GABBR2: variants seen among roughly 807,000 people sequenced by gnomAD.
The protein encoded by GABBR2 is G-protein coupled receptor 51.
Under a neutral mutation model 105.6 loss-of-function variants are expected in GABBR2, and 23 were observed. The ratio of observed to expected loss-of-function variants is 0.22; its 90% CI spans 0.16 to 0.31. GABBR2 has a LOEUF of 0.31. GABBR2 is among the 10% of genes least tolerant of loss of function. The pLI, the probability that GABBR2 is intolerant of heterozygous loss-of-function variation, is 1.00. For missense variants in GABBR2, 734 were observed against 1,245.5 expected, an observed-to-expected ratio of 0.59 and a Z score of 6.18; for synonymous variants, 478 against 499.7, an observed-to-expected ratio of 0.96 and a Z score of 0.58.
chr9:98,610,483 C>T (rs1829490377), intron 1 of GABBR2, among the ~76,000 whole-genome samples: 2 of 152,174 alleles, frequency 1.3e-5, no homozygotes, highest in Non-Finnish European at 2.9e-5. Flanking sequence ...GGGAATATTA[C>T]CTTACATGGC....
At chr9:98,528,941 C>T (rs1428086616) in intron 3 of GABBR2, among the ~76,000 whole-genome samples, 1 of 151,256 alleles carries the variant, frequency 6.6e-6, no homozygotes, top group Non-Finnish European at 1.5e-5. Context: ...GAGATGTTCC[C>T]ACAAAAGTAC....
At chr9:98,677,489 T>G (rs1487570883) in intron 1 of GABBR2, among the ~76,000 whole-genome samples, 1 of 152,236 alleles carries the variant, frequency 6.6e-6, no homozygotes, top group Non-Finnish European at 1.5e-5. Flanking sequence ...ATGTATTCTC[T>G]CTTTAGATCT....
chr9:98,316,776 G>A (rs546639358), intron 13 of GABBR2, among the ~76,000 whole-genome samples: 28 of 152,266 alleles, frequency 1.8e-4, no homozygotes, highest in Non-Finnish European at 3.4e-4. Context: ...CTCTACACCC[G>A]TCATCTTGTT....
chr9:98,497,920 A>G (rs895182322), intron 3 of GABBR2, among the ~76,000 whole-genome samples: 7 of 152,200 alleles, frequency 4.6e-5, no homozygotes, highest in Non-Finnish European at 8.8e-5. Flanking sequence ...CTTGACAGAC[A>G]TTTTACACCC....
intron 3 of GABBR2, among the ~76,000 whole-genome samples, chr9:98,533,591 A>G (rs576015033): frequency 1.4e-4 from 21 of 152,328 alleles, no homozygotes; most frequent in Middle Eastern, 3.4e-3. Context: ...GTGAGGGGAC[A>G]CAGGGATCTG....
At chr9:98,417,568 T>C (rs1832710745) in intron 7 of GABBR2, among the ~76,000 whole-genome samples, 1 of 152,198 alleles carries the variant, frequency 6.6e-6, no homozygotes, top group African/African-American at 2.4e-5. Flanking sequence ...TTCCCTTCTC[T>C]GGGCCCCAGT....
intron 1 of GABBR2, among the ~76,000 whole-genome samples, chr9:98,605,463 T>C (rs980091416): frequency 6.6e-6 from 1 of 152,236 alleles, no homozygotes; most frequent in South Asian, 2.1e-4. Flanking sequence ...ACAGAGCTAC[T>C]GTATGCCCAC....
rs994624541 is a variant in GABBR2, at chr9:98,289,652, A to G, written c.*932T>C. The G allele has an allele frequency of 2.5e-4, 37 of 148,548 alleles. No individual in the cohort carries two copies. The highest frequency in any genetic ancestry group is 7.9e-4 in the African/African-American group (31 of 39,414). 9.2% of individuals were successfully genotyped at this position (148,548 alleles called of 1,614,324 possible). ...AGTTAGTGGGAAAAAAAAAAAAAAA[A>G]TCCCAGCCAGCCCTTGGGCCCTGAT... On this transcript the variant is annotated 3_prime_UTR_variant, in exon 19 of 19. Coordinates refer to ENST00000259455, the MANE Select transcript of GABBR2 (RefSeq NM_005458.8).
At chr9:98,373,753 A>G (rs1194680475) in intron 11 of GABBR2, among the ~76,000 whole-genome samples, 1 of 152,212 alleles carries the variant, frequency 6.6e-6, no homozygotes, top group African/African-American at 2.4e-5. Context: ...GCATTTTAAA[A>G]AGGACAAAGA....
rs962044117 is a variant in GABBR2, at chr9:98,447,359, G to A, written c.1236+6622C>T. On this transcript the variant is annotated intron_variant, in intron 7 of 18. Coordinates refer to ENST00000259455, the MANE Select transcript of GABBR2 (RefSeq NM_005458.8). ...ATTACAGGCGTGAGCCACCGCGCCC[G>A]GCCCCTAAAAAAGACTTCTATGAGT... 7.1e-5 allele frequency among the ~76,000 whole-genome samples: 8 copies of A among 112,692 alleles called. 1 individual carries two copies. The highest frequency in any genetic ancestry group is 1.4e-4 in the Non-Finnish European group (7 of 50,236). 73.9% of individuals were successfully genotyped at this position (112,692 alleles called of 152,430 possible).
chr9:98,548,120 C>T (rs1456431753), intron 2 of GABBR2, among the ~76,000 whole-genome samples: 1 of 120,104 alleles, frequency 8.3e-6, no homozygotes, highest in Non-Finnish European at 1.9e-5. Context: ...GAGTACTCTG[C>T]TTTTTTTCAT....
intron 3 of GABBR2, among the ~76,000 whole-genome samples, chr9:98,539,659 C>G (rs1828251585): frequency 6.6e-6 from 1 of 151,976 alleles, no homozygotes; most frequent in African/African-American, 2.4e-5. Flanking sequence ...TGGCTCATGC[C>G]ACTTTGGGAG....
chr9:98,654,972 G>A (rs1219248702), intron 1 of GABBR2, among the ~76,000 whole-genome samples: 1 of 152,168 alleles, frequency 6.6e-6, no homozygotes, highest in Non-Finnish European at 1.5e-5. Context: ...TTAAATGCAT[G>A]TTGAATGAAA....
chr9:98,407,111 G>A (rs1029586690), intron 7 of GABBR2, among the ~76,000 whole-genome samples: 1 of 152,208 alleles, frequency 6.6e-6, no homozygotes, highest in East Asian at 1.9e-4. Context: ...GCTCTTGATC[G>A]AGAAATAAGT....
At chr9:98,628,622 A>G (rs1357542889) in intron 1 of GABBR2, among the ~76,000 whole-genome samples, 1 of 152,088 alleles carries the variant, frequency 6.6e-6, no homozygotes, top group East Asian at 1.9e-4. Flanking sequence ...ACTTTTCCTC[A>G]GAGAAAACAC....
chr9:98,303,569 G>A (rs1363471672), intron 15 of GABBR2, 146 bp from the exon 16 acceptor site: 13 of 701,128 alleles, frequency 1.9e-5, no homozygotes, highest in South Asian at 3.7e-5. Flanking sequence ...AGGAGACCTA[G>A]GCTCAGGCCA....
intron 1 of GABBR2, among the ~76,000 whole-genome samples, chr9:98,605,075 A>T (rs1330524353): frequency 6.6e-6 from 1 of 152,250 alleles, no homozygotes; most frequent in Admixed American, 6.5e-5. Context: ...AGGAGACAAG[A>T]TACGTACATG....
chr9:98,542,088 C>G (rs1828314443), intron 2 of GABBR2, 45 bp from the exon 3 acceptor site: 1 of 1,534,648 alleles, frequency 6.5e-7, no homozygotes, highest in South Asian at 1.2e-5. Flanking sequence ...ATGAGCCTCA[C>G]AGCTGTGACC....
At chr9:98,700,703 C>T (rs1830818988) in intron 1 of GABBR2, among the ~76,000 whole-genome samples, 1 of 152,204 alleles carries the variant, frequency 6.6e-6, no homozygotes. Flanking sequence ...TGTTTCCCAG[C>T]CTCCTCTGTA....
Sources: gnomAD v4.1 joint callset for allele counts (sites outside exome capture counted in the v4.1 genomes callset) on GRCh38, gnomAD v4.1.1 for gene constraint, MANE v1.5 for transcripts, NCBI Gene and HGNC (gene_info 2026-07-23, HGNC 2026-07-21) for gene names.